Variants in ADAMTS6 observed in about 807,000 individuals in gnomAD.
ADAMTS6 encodes the protein A disintegrin and metalloproteinase with thrombospondin motifs 6.
ADAMTS6 carries 23 observed loss-of-function variants against 144.3 expected under a neutral mutation model. The ratio of observed to expected loss-of-function variants is 0.16; its 90% CI spans 0.11 to 0.23. ADAMTS6 has a LOEUF of 0.23. Among genes scored for constraint, ADAMTS6 ranks in the 10% least tolerant of loss-of-function variants. ADAMTS6 has a pLI of 1.00. For synonymous variants in ADAMTS6, 444 were observed against 457.5 expected, an observed-to-expected ratio of 0.97 and a Z score of 0.38; for missense variants, 999 against 1,379.6, an observed-to-expected ratio of 0.72 and a Z score of 4.37.
chr5:65,371,155 C>T (rs569996633), intron 7 of ADAMTS6, among the ~76,000 whole-genome samples: 2 of 152,110 alleles, frequency 1.3e-5, no homozygotes, highest in African/African-American at 4.8e-5. Flanking sequence ...GTAGATAAAA[C>T]CACAAAGATG....
intron 7 of ADAMTS6, among the ~76,000 whole-genome samples, chr5:65,342,202 C>A (rs1247813801): frequency 6.6e-6 from 1 of 152,032 alleles, no homozygotes; most frequent in East Asian, 1.9e-4. Context: ...CATTTTCACA[C>A]TGCTGACACA....
chr5:65,407,723 C>G (rs1455412037), intron 7 of ADAMTS6, among the ~76,000 whole-genome samples: 1 of 152,000 alleles, frequency 6.6e-6, no homozygotes, highest in Non-Finnish European at 1.5e-5. Context: ...CACATTTTCT[C>G]AATCCAGTCT....
chr5:65,182,057 G>C (rs560734337), intron 22 of ADAMTS6, among the ~76,000 whole-genome samples: 2 of 152,200 alleles, frequency 1.3e-5, no homozygotes, highest in African/African-American at 4.8e-5. Flanking sequence ...TACAATTAGG[G>C]GAGATGAAGA....
At chr5:65,326,687 G>T (rs1746206648) in intron 9 of ADAMTS6, among the ~76,000 whole-genome samples, 1 of 151,972 alleles carries the variant, frequency 6.6e-6, no homozygotes, top group South Asian at 2.1e-4. Flanking sequence ...TCTCATAAAG[G>T]ATACAAGTCA....
In ADAMTS6 at chr5:65,242,198, A is replaced by G. The variant is rs1277789592; in HGVS notation, c.1839T>C (p.Pro613=). Residue 613 remains proline, a synonymous_variant, in exon 15 of 25, where the codon CCT becomes CCC. Coordinates refer to ENST00000381055, the MANE Select transcript of ADAMTS6 (RefSeq NM_197941.4). ...TCTCTCGAAAATCTCGGGAACCCAA[A>G]GGGCATGGCTAAAATAAAATAAAAT... The part of the protein sequence containing the change: ...RYRSCNTDPC[P]LGSRDFREKQ... The G allele has an allele frequency of 6.3e-7, 1 of 1,595,376 alleles. No homozygotes were observed.
intron 9 of ADAMTS6, among the ~76,000 whole-genome samples, chr5:65,315,700 T>C (rs1744927808): frequency 3.6e-5 from 5 of 140,342 alleles, no homozygotes; most frequent in Admixed American, 2.7e-4. Flanking sequence ...GGGGTAGCTA[T>C]ATTAATGTGA....
intron 15 of ADAMTS6, among the ~76,000 whole-genome samples, chr5:65,228,533 T>C (rs914802409): frequency 2.6e-5 from 4 of 152,042 alleles, no homozygotes; most frequent in Non-Finnish European, 4.4e-5. Context: ...CAGCTACTTA[T>C]AGACAAGTGT....
chr5:65,332,705 T>G (rs776041131), intron 8 of ADAMTS6, among the ~76,000 whole-genome samples: 4 of 152,066 alleles, frequency 2.6e-5, no homozygotes, highest in African/African-American at 4.8e-5. Context: ...TTAAATACAC[T>G]GTAAAAGTTA....
rs545943354 is a variant in ADAMTS6, at chr5:65,475,102, A to AT, written c.-279-1151dup. Among the ~76,000 whole-genome samples the AT allele has an allele frequency of 2.8e-3, 422 of 152,288 alleles. 4 individuals are homozygous for AT. The highest frequency in any genetic ancestry group is 0.01 in the African/African-American group (417 of 41,570). Reference sequence around the variant, plus strand: ...TTTTCACATAATAAATTCTTACTATATATTTGTTGGTTGAAAAAAATGGAT... The same window carrying AT: ...TTTTCACATAATAAATTCTTACTATATTATTTGTTGGTTGAAAAAAATGGAT... On this transcript the variant is annotated intron_variant, in intron 1 of 24. Coordinates refer to ENST00000381055, the MANE Select transcript of ADAMTS6 (RefSeq NM_197941.4).
At chr5:65,203,783 T>C (rs536081580) in intron 20 of ADAMTS6, among the ~76,000 whole-genome samples, 1 of 152,344 alleles carries the variant, frequency 6.6e-6, no homozygotes, top group South Asian at 2.1e-4. Context: ...GCTTTGTTTT[T>C]TCCAAAAGTA....
intron 11 of ADAMTS6, among the ~76,000 whole-genome samples, chr5:65,273,797 C>T (rs541769008): frequency 1.3e-5 from 2 of 152,032 alleles, no homozygotes; most frequent in Admixed American, 6.6e-5. Context: ...CAAGAATATA[C>T]AATAATACAA....
chr5:65,401,909 TCC>T (rs538775523), intron 7 of ADAMTS6, among the ~76,000 whole-genome samples: 128 of 152,206 alleles, frequency 8.4e-4, no homozygotes, highest in African/African-American at 3.0e-3. Context: ...TTTCTTTCCC[TCC>T]CTTACTGTCT....
chr5:65,362,849 G>A (rs1448696019), intron 7 of ADAMTS6, among the ~76,000 whole-genome samples: 1 of 152,072 alleles, frequency 6.6e-6, no homozygotes. Context: ...TCCTATTTCT[G>A]TCAAGAAATC....
intron 14 of ADAMTS6, 23 bp from the exon 15 acceptor site, chr5:65,242,229 A>G (rs1759253077): frequency 1.3e-6 from 2 of 1,562,612 alleles, no homozygotes; most frequent in Non-Finnish European, 1.7e-6. Context: ...AAAATCATAA[A>G]TGGTACCATT....
At chr5:65,296,852 T>A (rs1253055214) in intron 10 of ADAMTS6, among the ~76,000 whole-genome samples, 3 of 152,236 alleles carry the variant, frequency 2.0e-5, no homozygotes, top group African/African-American at 7.2e-5. Flanking sequence ...GTTAACAGAC[T>A]TTAATTTTAA....
At chr5:65,341,277 C>T (rs986083041) in intron 7 of ADAMTS6, among the ~76,000 whole-genome samples, 3 of 151,688 alleles carry the variant, frequency 2.0e-5, no homozygotes, top group African/African-American at 7.2e-5. Flanking sequence ...AAATAAACAA[C>T]TTAACAATGC....
intron 20 of ADAMTS6, chr5:65,210,036 C>T (rs1264365972): frequency 1.4e-5 from 3 of 215,476 alleles, no homozygotes; most frequent in Non-Finnish European, 3.0e-5. Flanking sequence ...ATAGTTTGCA[C>T]AGCATACGCA....
intron 3 of ADAMTS6, 31 bp from the exon 4 acceptor site, chr5:65,460,369 A>G: frequency 1.3e-6 from 2 of 1,546,226 alleles, no homozygotes; most frequent in African/African-American, 2.8e-5. Context: ...GAACTTACCA[A>G]AGAGAATCAT....
intron 11 of ADAMTS6, among the ~76,000 whole-genome samples, chr5:65,278,111 T>A (rs1580273957): frequency 6.6e-6 from 1 of 152,126 alleles, no homozygotes; most frequent in African/African-American, 2.4e-5. Context: ...GTTACTTCAC[T>A]TAGAATAATG....
Sources: allele counts gnomAD v4.1 joint callset (sites outside exome capture counted in the v4.1 genomes callset), GRCh38; gene constraint gnomAD v4.1.1; transcripts MANE v1.5; gene names NCBI Gene and HGNC (gene_info 2026-07-23, HGNC 2026-07-21).